The following NCOR1 variants were observed in gnomAD, a reference collection of about 807,000 sequenced individuals.
NCOR1 encodes the protein nuclear receptor corepressor 1, also known as protein phosphatase 1, regulatory subunit 109.
In NCOR1, 63 loss-of-function variants were observed where a neutral mutation model predicts 288.1. That is an observed-to-expected ratio of 0.22 (90% CI 0.18 to 0.27). NCOR1 has a LOEUF of 0.27. Among genes scored for constraint, NCOR1 ranks in the 10% least tolerant of loss-of-function variants. The pLI is 1.00. For missense variants in NCOR1, 2,397 were observed against 3,019.2 expected (o/e 0.79, Z 4.83); for synonymous variants, 1,007 against 1,065.9 (o/e 0.94, Z 1.08).
chr17:16,128,849 T>A (rs1033115974), intron 14 of NCOR1, among the ~76,000 whole-genome samples: 6 of 152,326 alleles, frequency 3.9e-5, no homozygotes, highest in Non-Finnish European at 7.4e-5. Context: ...CCCATCCACA[T>A]TATGCCTCCT....
intron 21 of NCOR1, among the ~76,000 whole-genome samples, chr17:16,094,901 A>C (rs947142860): frequency 6.6e-6 from 1 of 152,048 alleles, no homozygotes; most frequent in African/African-American, 2.4e-5. Flanking sequence ...CAGTGGCGTG[A>C]TCTCGGCTCG....
At chr17:16,068,145 C>A (rs2061340972) in intron 31 of NCOR1, 24 bp from the exon 32 acceptor site, 1 of 1,540,458 alleles carries the variant, frequency 6.5e-7, no homozygotes. Context: ...GCCAATGCCA[C>A]AAGTTCTTAA....
At chr17:16,101,938 T>G in intron 19 of NCOR1, 181 bp from the exon 20 acceptor site, 47 of 755,370 alleles carry the variant, frequency 6.2e-5, no homozygotes. Context: ...TTTACAGCCA[T>G]TGAGAAGGCT....
intron 11 of NCOR1, among the ~76,000 whole-genome samples, chr17:16,141,525 C>T (rs868666581): frequency 6.6e-6 from 1 of 152,080 alleles, no homozygotes; most frequent in African/African-American, 2.4e-5. Context: ...ATACTATATA[C>T]TTTTATAAGA....
chr17:16,187,230 C>T (rs77702544), intron 2 of NCOR1, among the ~76,000 whole-genome samples: 148 of 143,410 alleles, frequency 1.0e-3, no homozygotes, highest in African/African-American at 3.5e-3. Context: ...AACTTCTTTT[C>T]CAAACAAATC....
intron 3 of NCOR1, among the ~76,000 whole-genome samples, chr17:16,175,846 A>G (rs1023839125): frequency 6.6e-6 from 1 of 152,004 alleles, no homozygotes; most frequent in African/African-American, 2.4e-5. Flanking sequence ...AAAAAAAAAA[A>G]AAAAAGATGG....
intron 40 of NCOR1, among the ~76,000 whole-genome samples, chr17:16,050,734 T>A (rs1184668853): frequency 2.0e-5 from 3 of 151,850 alleles, no homozygotes; most frequent in Non-Finnish European, 2.9e-5. Flanking sequence ...CTTAAACATG[T>A]TTTTTTTATT....
At chr17:16,063,973 G>A (rs761725545) in intron 35 of NCOR1, 95 bp downstream of exon 35, 89 of 1,417,608 alleles carry the variant, frequency 6.3e-5, no homozygotes, top group Non-Finnish European at 7.8e-5. Context: ...TAGAATTTTT[G>A]TTTCCATCAA....
At chr17:16,127,186 T>C (rs2074267844) in intron 14 of NCOR1, among the ~76,000 whole-genome samples, 1 of 147,276 alleles carries the variant, frequency 6.8e-6, no homozygotes, top group East Asian at 1.9e-4. Context: ...TATATATCTG[T>C]ATGTATATAT....
chr17:16,175,037 A>G (rs546253444), intron 3 of NCOR1, among the ~76,000 whole-genome samples: 1 of 141,992 alleles, frequency 7.0e-6, no homozygotes, highest in Non-Finnish European at 1.5e-5. Context: ...CTGTGGTATA[A>G]AAAAAAAAAA....
At chr17:16,034,615 T>A in intron 45 of NCOR1, 150 bp downstream of exon 45, 1 of 733,852 alleles carries the variant, frequency 1.4e-6, no homozygotes, top group Non-Finnish European at 2.2e-6. Context: ...AAAAAAATAC[T>A]TCTATTCGGG....
At chr17:16,197,280 C>T (rs2090020612) in intron 1 of NCOR1, among the ~76,000 whole-genome samples, 1 of 151,250 alleles carries the variant, frequency 6.6e-6, no homozygotes, top group Non-Finnish European at 1.5e-5. Flanking sequence ...AAGATGGCAC[C>T]ACTGCACTCC....
chr17:16,086,239 C>A (rs1299680304), intron 23 of NCOR1, 43 bp downstream of exon 23: 1 of 1,578,780 alleles, frequency 6.3e-7, no homozygotes, highest in Non-Finnish European at 8.7e-7. Context: ...TTTAACAAAG[C>A]CATATTCAAC....
At chr17:16,070,673 C>A (rs2061644885) in intron 30 of NCOR1, 148 bp from the exon 31 acceptor site, 1 of 1,026,870 alleles carries the variant, frequency 9.7e-7, no homozygotes, top group East Asian at 2.5e-5. Flanking sequence ...CCCACTGATC[C>A]CAAGCTGCAT....
chr17:16,194,414 A>C (rs1346724763), intron 2 of NCOR1, 48 bp downstream of exon 2: 1 of 1,315,060 alleles, frequency 7.6e-7, no homozygotes, highest in African/African-American at 1.5e-5. Flanking sequence ...GGAAAAGTAA[A>C]GAAAAACACA....
chr17:16,155,537 T>C (rs1190511732), intron 6 of NCOR1, among the ~76,000 whole-genome samples: 1 of 152,138 alleles, frequency 6.6e-6, no homozygotes, highest in Non-Finnish European at 1.5e-5. Flanking sequence ...CTGTTAAAAA[T>C]AGTCTGTTTA....
At chr17:16,080,202 T>C in intron 25 of NCOR1, 138 bp from the exon 26 acceptor site, 1 of 819,802 alleles carries the variant, frequency 1.2e-6, no homozygotes, top group Non-Finnish European at 1.9e-6. Context: ...GTTTGTTTTA[T>C]TAAAATGTAC....
At chr17:16,127,681 G>GTGTATATATACATATA (rs2074900726) in intron 14 of NCOR1, among the ~76,000 whole-genome samples, 1 of 145,248 alleles carries the variant, frequency 6.9e-6, no homozygotes, top group East Asian at 2.0e-4. Context: ...ATATGTGTAT[G>GTGTATATATACATATA]TGTATATATA....
intron 6 of NCOR1, among the ~76,000 whole-genome samples, chr17:16,154,797 A>G (rs16959542): frequency 0.028 from 4,295 of 152,320 alleles, 137 homozygotes; most frequent in African/African-American, 0.074. Flanking sequence ...GTGAGACTCA[A>G]TAACTATGTG....
Sources: gnomAD v4.1 joint callset for allele counts (sites outside exome capture counted in the v4.1 genomes callset) on GRCh38, gnomAD v4.1.1 for gene constraint, MANE v1.5 for transcripts, NCBI Gene and HGNC (gene_info 2026-07-23, HGNC 2026-07-21) for gene names.